Variants in PHKB observed in about 807,000 individuals in gnomAD.
The protein encoded by PHKB is phosphorylase b kinase regulatory subunit beta.
Under a neutral mutation model 152.1 loss-of-function variants are expected in PHKB, and 122 were observed. The ratio of observed to expected loss-of-function variants is 0.80; its 90% confidence interval spans 0.69 to 0.93. PHKB has a LOEUF of 0.93. PHKB is among the 40% of genes least tolerant of loss of function. PHKB has a pLI of 0.00. For synonymous variants in PHKB, 436 were observed against 464.9 expected, an observed-to-expected ratio of 0.94 and a Z score of 0.80; for missense variants, 1,304 against 1,328.4, an observed-to-expected ratio of 0.98 and a Z score of 0.29.
chr16:47,527,011 G>C (rs1225575785), intron 6 of PHKB, among the ~76,000 whole-genome samples: 3 of 152,056 alleles, frequency 2.0e-5, no homozygotes, highest in Non-Finnish European at 2.9e-5. Context: ...GGGGAGGGAG[G>C]TGCCACAGTC....
intron 4 of PHKB, among the ~76,000 whole-genome samples, chr16:47,507,729 C>A: frequency 6.6e-6 from 1 of 152,098 alleles, no homozygotes; most frequent in Non-Finnish European, 1.5e-5. Context: ...ATGATATAGA[C>A]CATTAATGTA....
At chr16:47,494,324 G>T (rs560746461) in intron 1 of PHKB, among the ~76,000 whole-genome samples, 1 of 152,280 alleles carries the variant, frequency 6.6e-6, no homozygotes, top group African/African-American at 2.4e-5. Flanking sequence ...AGTTACAGGT[G>T]GATTTTAAAG....
At position 47,610,896 on chromosome 16, in the gene PHKB, C is replaced by A; in HGVS notation, c.1434C>A (p.Asn478Lys). Residue 478 changes from asparagine to lysine, a missense_variant, in exon 14 of 31, where the codon AAC becomes AAA. Coordinates refer to ENST00000323584, the MANE Select transcript of PHKB (RefSeq NM_000293.3). Reference protein sequence around the residue: ...QRYVPLKDQRNVSMRFSNQGP... With the variant: ...QRYVPLKDQRKVSMRFSNQGP... The stretch of plus-strand genomic sequence containing the variant: ...ATGTCCCACTAAAGGATCAACGTAA[C>A]GTGAGCATGAGGTTTTCCAATCAGG... 1 of 1,594,442 alleles carries A rather than the reference C, an allele frequency of 6.3e-7. No homozygotes were observed. Among genetic ancestry groups the A allele is most frequent in the Non-Finnish European group, 8.6e-7 (1 of 1,162,110 alleles).
At chr16:47,566,310 T>C (rs1407451010) in intron 7 of PHKB, 2 of 1,123,260 alleles carry the variant, frequency 1.8e-6, no homozygotes, top group Non-Finnish European at 2.7e-6. Flanking sequence ...TCAGTCTGTA[T>C]CTGTTTTGTC....
intron 7 of PHKB, among the ~76,000 whole-genome samples, chr16:47,573,927 T>TG (rs962173497): frequency 1.3e-5 from 2 of 151,956 alleles, no homozygotes; most frequent in African/African-American, 4.8e-5. Flanking sequence ...AAACAATTTT[T>TG]TTTTCTTTTA....
intron 14 of PHKB, among the ~76,000 whole-genome samples, chr16:47,615,298 GGTACCTGA>G (rs1276267228): frequency 6.6e-6 from 1 of 152,130 alleles, no homozygotes; most frequent in Non-Finnish European, 1.5e-5. Context: ...ACTGCCCAAG[GGTACCTGA>G]GTAGTAGAAC....
At chr16:47,516,408 A>G (rs1970598399) in intron 6 of PHKB, among the ~76,000 whole-genome samples, 1 of 152,228 alleles carries the variant, frequency 6.6e-6, no homozygotes, top group African/African-American at 2.4e-5. Context: ...TATCCCAAAG[A>G]TGAGAAGCAT....
intron 13 of PHKB, chr16:47,598,912 A>G: frequency 1.3e-6 from 2 of 1,591,408 alleles, no homozygotes; most frequent in Non-Finnish European, 1.7e-6. Context: ...AACGTCAAGA[A>G]TCTTTGTGTA....
intron 1 of PHKB, among the ~76,000 whole-genome samples, chr16:47,486,062 C>A (rs570351556): frequency 6.6e-6 from 1 of 152,000 alleles, no homozygotes; most frequent in South Asian, 2.1e-4. Flanking sequence ...TTATTGTCAC[C>A]TACCATGTAT....
At chr16:47,472,865 G>A (rs886558443) in intron 1 of PHKB, among the ~76,000 whole-genome samples, 3 of 151,988 alleles carry the variant, frequency 2.0e-5, no homozygotes, top group Non-Finnish European at 4.4e-5. Flanking sequence ...GCTTGAGCCC[G>A]AAAGGTTGAG....
At chr16:47,608,436 T>C (rs1000893087) in intron 13 of PHKB, among the ~76,000 whole-genome samples, 1 of 152,216 alleles carries the variant, frequency 6.6e-6, no homozygotes, top group African/African-American at 2.4e-5. Flanking sequence ...AAAAAAACTT[T>C]TTTTGGCTGG....
Position 47,499,767 on chromosome 16 carries a change from T to C in PHKB, c.178T>C (p.Leu60=), listed in dbSNP as rs748181833. ...GTCCTCAATTGCAGTCAAGTCAACA[T>C]TGCTGCTGTATCAAAGTCCAACTAC... The part of the protein sequence containing the change: ...DHYYRIVKST[L]LLYQSPTTGL... The change falls in exon 3 of 31, where the codon TTG becomes CTG. Residue 60 remains leucine, a synonymous_variant. Transcript: ENST00000323584. The C allele has an allele frequency of 1.9e-6, 3 of 1,614,208 alleles. No individual in the cohort carries two copies. The highest frequency in any genetic ancestry group is 2.5e-6 in the Non-Finnish European group (3 of 1,180,002).
chr16:47,548,466 G>T (rs915070346), intron 7 of PHKB, among the ~76,000 whole-genome samples: 1 of 152,126 alleles, frequency 6.6e-6, no homozygotes, highest in African/African-American at 2.4e-5. Context: ...AAGTAGCTGG[G>T]CATGGTGGTG....
chr16:47,549,254 T>C (rs1971229142), intron 7 of PHKB, among the ~76,000 whole-genome samples: 1 of 152,244 alleles, frequency 6.6e-6, no homozygotes, highest in South Asian at 2.1e-4. Context: ...TCTGATAAGA[T>C]GATTTTTAAA....
chr16:47,640,255 T>C (rs1972993645), intron 14 of PHKB, among the ~76,000 whole-genome samples: 1 of 152,206 alleles, frequency 6.6e-6, no homozygotes, highest in African/African-American at 2.4e-5. Flanking sequence ...GTTGGATCCA[T>C]TACTATAAAA....
chr16:47,474,639 G>C (rs1274787820), intron 1 of PHKB, among the ~76,000 whole-genome samples: 1 of 151,934 alleles, frequency 6.6e-6, no homozygotes, highest in Non-Finnish European at 1.5e-5. Flanking sequence ...CGGCTCACTT[G>C]TAAATATCTG....
chr16:47,670,966 A>G (rs760943639), intron 26 of PHKB, among the ~76,000 whole-genome samples: 7 of 152,004 alleles, frequency 4.6e-5, no homozygotes, highest in Non-Finnish European at 8.8e-5. Context: ...CCTCAACAAT[A>G]TTATCATCTG....
At chr16:47,497,124 T>G (rs1970245130) in intron 1 of PHKB, among the ~76,000 whole-genome samples, 1 of 152,202 alleles carries the variant, frequency 6.6e-6, no homozygotes, top group Admixed American at 6.5e-5. Flanking sequence ...CACTTAGTTG[T>G]TTGGACCATG....
chr16:47,652,881 G>A (rs1035286778), intron 20 of PHKB, among the ~76,000 whole-genome samples: 5 of 152,228 alleles, frequency 3.3e-5, no homozygotes, highest in Middle Eastern at 3.4e-3. Context: ...GGGCTCAAGT[G>A]ATCCTCCTGT....
Sources: allele counts gnomAD v4.1 joint callset (sites outside exome capture counted in the v4.1 genomes callset), GRCh38; gene constraint gnomAD v4.1.1; transcripts MANE v1.5; gene names NCBI Gene and HGNC (gene_info 2026-07-23, HGNC 2026-07-21).